Variants in TEX9 observed in about 807,000 individuals in gnomAD.
TEX9 encodes testis expressed 9, also known as testis-expressed protein 9.
In TEX9, 74 loss-of-function variants were observed where a neutral mutation model predicts 59.6. The ratio of observed to expected loss-of-function variants is 1.24; its 90% CI spans 1.03 to 1.51. TEX9 has a LOEUF of 1.51. Ranked by LOEUF, TEX9 falls within the 40% of genes most tolerant of loss-of-function variation. The pLI, the probability that TEX9 is intolerant of heterozygous loss-of-function variation, is 0.00. For missense variants in TEX9, 522 were observed against 447.8 expected, an observed-to-expected ratio of 1.17 and a Z score of -1.49; for synonymous variants, 186 against 152.2, an observed-to-expected ratio of 1.22 and a Z score of -1.64.
intron 1 of TEX9, among the ~76,000 whole-genome samples, chr15:56,263,424 G>A (rs1248015589): frequency 6.6e-6 from 1 of 152,016 alleles, no homozygotes; most frequent in East Asian, 1.9e-4. Context: ...TTGACTTTAC[G>A]TTTGCCATTT....
chr15:56,260,525 A>C (rs1185622473), intron 1 of TEX9, among the ~76,000 whole-genome samples: 1 of 152,156 alleles, frequency 6.6e-6, no homozygotes. Context: ...TAAAAAAAGC[A>C]AATATAATTT....
intron 7 of TEX9, among the ~76,000 whole-genome samples, chr15:56,392,755 A>G (rs1428983882): frequency 6.6e-6 from 1 of 152,160 alleles, no homozygotes; most frequent in Non-Finnish European, 1.5e-5. Flanking sequence ...TAAATGGAGC[A>G]GTAAGTTGCC....
At chr15:56,351,972 A>T (rs2046590418) in intron 1 of TEX9, among the ~76,000 whole-genome samples, 1 of 152,210 alleles carries the variant, frequency 6.6e-6, no homozygotes, top group African/African-American at 2.4e-5. Flanking sequence ...CATTTTAGAC[A>T]CTATTATCAT....
intron 1 of TEX9, among the ~76,000 whole-genome samples, chr15:56,250,798 G>T (rs1348021296): frequency 6.6e-6 from 1 of 151,808 alleles, no homozygotes; most frequent in African/African-American, 2.4e-5. Flanking sequence ...TTGCTCTTAA[G>T]ACCTTTCACC....
At chr15:56,278,121 T>C (rs1246144245) in intron 1 of TEX9, among the ~76,000 whole-genome samples, 1 of 152,222 alleles carries the variant, frequency 6.6e-6, no homozygotes, top group Non-Finnish European at 1.5e-5. Flanking sequence ...TTCTTTCCTA[T>C]ATGTTCTTTA....
intron 1 of TEX9, among the ~76,000 whole-genome samples, chr15:56,269,467 A>G (rs528810147): frequency 6.6e-6 from 1 of 152,202 alleles, no homozygotes; most frequent in African/African-American, 2.4e-5. Flanking sequence ...TTAGTGCTAT[A>G]AATTTCCCTC....
In TEX9 at chr15:56,329,664, G is replaced by A. The variant is rs148691513; in HGVS notation, c.-106-43777G>A. Among the ~76,000 whole-genome samples, 779 of 152,112 alleles carry A rather than the reference G, an allele frequency of 5.1e-3. 16 individuals carry two copies. The highest frequency in any genetic ancestry group is 0.036 in the East Asian group (188 of 5,164). On this transcript the variant is annotated intron_variant, in intron 1 of 5. Coordinates refer to the TEX9 transcript ENST00000560827. ...CAATTGACATACTGAAGAATGCATC[G>A]AAGTCTTAGTAACAGAATTCATCAA... is the stretch of plus-strand genomic sequence containing the variant.
intron 1 of TEX9, among the ~76,000 whole-genome samples, chr15:56,343,275 A>G (rs1318241196): frequency 1.3e-5 from 2 of 152,138 alleles, no homozygotes; most frequent in African/African-American, 4.8e-5. Flanking sequence ...AGCCTTAAAT[A>G]TATCTAGATA....
chr15:56,355,096 C>T (rs1476685237), intron 1 of TEX9, among the ~76,000 whole-genome samples: 3 of 152,124 alleles, frequency 2.0e-5, no homozygotes, highest in Non-Finnish European at 4.4e-5. Context: ...TCCTCATGGC[C>T]CCTTGCAGTC....
chr15:56,309,035 G>A (rs549296115), intron 1 of TEX9, among the ~76,000 whole-genome samples: 1 of 152,188 alleles, frequency 6.6e-6, no homozygotes, highest in South Asian at 2.1e-4. Context: ...TGGATTCCTT[G>A]TATTGCTATA....
At chr15:56,275,864 T>C (rs531307002) in intron 1 of TEX9, among the ~76,000 whole-genome samples, 1 of 152,232 alleles carries the variant, frequency 6.6e-6, no homozygotes, top group Admixed American at 6.5e-5. Context: ...TTGCAATAAA[T>C]TGCCTTCATT....
At position 56,385,963 on chromosome 15, in the gene TEX9, A is replaced by G. The variant is rs114899837; in HGVS notation, c.263+1932A>G. ...CTTCCTAGATATTTACCCAAGAGAA[A>G]TATAGACATATATCCACGAAAAAAC... is the stretch of plus-strand genomic sequence containing the variant. On this transcript the variant is annotated intron_variant, in intron 4 of 12. Coordinates refer to ENST00000352903, the Ensembl canonical transcript of TEX9. Among the ~76,000 whole-genome samples, 514 of 152,218 alleles carry G rather than the reference A, an allele frequency of 3.4e-3. 5 individuals are homozygous for G. The highest frequency in any genetic ancestry group is 0.011 in the African/African-American group (465 of 41,522).
upstream of TEX9, chr15:56,365,369 C>T (rs1377169667): frequency 4.4e-5 from 68 of 1,536,602 alleles, no homozygotes; most frequent in South Asian, 2.6e-4. Flanking sequence ...GCGTAGGCGC[C>T]CGGGCGGGAG....
chr15:56,272,292 A>C (rs1287595203), intron 1 of TEX9, among the ~76,000 whole-genome samples: 1 of 152,094 alleles, frequency 6.6e-6, no homozygotes, highest in Non-Finnish European at 1.5e-5. Flanking sequence ...CCTTGCTCCA[A>C]CCCCTGGCAA....
At chr15:56,394,293 T>G in intron 8 of TEX9, 46 bp downstream of exon 8, 1 of 1,447,172 alleles carries the variant, frequency 6.9e-7, no homozygotes, top group Non-Finnish European at 9.4e-7. Flanking sequence ...TCAAAGATAT[T>G]TTAGGAGCAA....
chr15:56,401,864 C>T (rs1216745064), intron 9 of TEX9, among the ~76,000 whole-genome samples: 1 of 152,156 alleles, frequency 6.6e-6, no homozygotes, highest in Non-Finnish European at 1.5e-5. Flanking sequence ...AACAGAACAA[C>T]CTGCTCCTGA....
intron 1 of TEX9, among the ~76,000 whole-genome samples, chr15:56,339,017 A>C (rs1271600826): frequency 6.6e-6 from 1 of 151,962 alleles, no homozygotes; most frequent in Non-Finnish European, 1.5e-5. Context: ...AATACTTGTC[A>C]TTTCTTACTC....
At chr15:56,364,316 G>A (rs1457789115), upstream of TEX9, among the ~76,000 whole-genome samples, 1 of 151,732 alleles carries the variant, frequency 6.6e-6, no homozygotes, top group Non-Finnish European at 1.5e-5. Flanking sequence ...ACCACACCCG[G>A]CTAATTTTTT....
downstream of TEX9, among the ~76,000 whole-genome samples, chr15:56,449,506 A>C (rs2050933401): frequency 6.6e-6 from 1 of 152,200 alleles, no homozygotes; most frequent in Non-Finnish European, 1.5e-5. Flanking sequence ...CGTATTGACT[A>C]ATATTTCAGA....
Sources: gnomAD v4.1 joint callset for allele counts (sites outside exome capture counted in the v4.1 genomes callset) on GRCh38, gnomAD v4.1.1 for gene constraint, MANE v1.5 for transcripts, NCBI Gene and HGNC (gene_info 2026-07-23, HGNC 2026-07-21) for gene names.